LARS1: variants seen among roughly 807,000 people sequenced by gnomAD.
LARS1 encodes the protein leucine--tRNA ligase, cytoplasmic.
LARS1 carries 100 observed loss-of-function variants against 162.8 expected under a neutral mutation model. That is an observed-to-expected ratio of 0.61 (90% CI 0.52 to 0.73). The LOEUF (loss-of-function observed/expected upper bound fraction) is 0.73, where lower values mean the gene tolerates loss of function less well. LARS1 is among the 30% of genes least tolerant of loss of function. LARS1 has a pLI of 0.00. For missense variants in LARS1, 1,258 were observed against 1,408.9 expected, an observed-to-expected ratio of 0.89 and a Z score of 1.71; for synonymous variants, 457 against 462.8, an observed-to-expected ratio of 0.99 and a Z score of 0.16.
In LARS1 at chr5:146,149,607, T is replaced by C. The variant is rs565135492; in HGVS notation, c.1503+15A>G. The stretch of plus-strand genomic sequence containing the variant: ...CTCTTCTAAAACAGCCTTCAGAGCA[T>C]AGCCTATCACATACAGCGTCAATCA... On this transcript the variant is annotated intron_variant, in intron 15 of 31. Coordinates refer to ENST00000394434, the MANE Select transcript of LARS1 (RefSeq NM_020117.11). The C allele has an allele frequency of 3.5e-4, 553 of 1,591,036 alleles. 7 individuals are homozygous for C. In the South Asian group the frequency reaches 5.9e-3, roughly 17 times the overall value.
rs17104250 is a variant in LARS1, at chr5:146,120,538, G to C, written c.3193-35C>G. ...CAACAAGAAAATGATTGTTTAACTT[G>C]AATACTGCTGAGGGAGGAGGAATCT... On this transcript the variant is annotated intron_variant, in intron 30 of 31. Transcript: ENST00000394434. The C allele has an allele frequency of 0.072, 115,324 of 1,595,984 alleles. 4,867 individuals are homozygous for C. Among genetic ancestry groups the C allele is most frequent in the African/African-American group, 0.15 (10,785 of 74,224 alleles).
chr5:146,136,843 AT>A (rs1374367675), intron 21 of LARS1, among the ~76,000 whole-genome samples: 1 of 152,200 alleles, frequency 6.6e-6, no homozygotes, highest in East Asian at 1.9e-4. Flanking sequence ...GCTAAGTCTG[AT>A]GTTACATAAT....
chr5:146,135,673 G>T lies in LARS1; in HGVS notation c.2149-9C>A. The T allele has an allele frequency of 6.3e-7, 1 of 1,579,176 alleles. No homozygotes were observed. Among genetic ancestry groups the T allele is most frequent in the Non-Finnish European group, 8.6e-7 (1 of 1,163,506 alleles). ...CCTGTGGATTTTGACATCTGAAATA[G>T]AGAGTCAGTGATCAATCATTAATAA... On this transcript the variant is annotated splice_polypyrimidine_tract_variant and intron_variant, in intron 21 of 31. Coordinates refer to ENST00000394434, the MANE Select transcript of LARS1 (RefSeq NM_020117.11).
At chr5:146,156,514 T>G (rs1753535157) in intron 10 of LARS1, among the ~76,000 whole-genome samples, 1 of 151,986 alleles carries the variant, frequency 6.6e-6, no homozygotes, top group Non-Finnish European at 1.5e-5. Flanking sequence ...GCCAACATGA[T>G]GAAACCCTGT....
chr5:146,174,586 CCA>C (rs1561498485), intron 2 of LARS1, among the ~76,000 whole-genome samples: 3 of 14,784 alleles, frequency 2.0e-4, no homozygotes, highest in East Asian at 2.3e-3. Flanking sequence ...ATGTATATAT[CCA>C]TATATATATA....
At chr5:146,136,078 C>T (rs1752488185) in intron 21 of LARS1, among the ~76,000 whole-genome samples, 2 of 152,336 alleles carry the variant, frequency 1.3e-5, no homozygotes, top group African/African-American at 4.8e-5. Context: ...AGGAACCCTC[C>T]TATCATTAGG....
At chr5:146,143,616 A>C in intron 18 of LARS1, 66 bp from the exon 19 acceptor site, 2 of 1,447,746 alleles carry the variant, frequency 1.4e-6, no homozygotes, top group Non-Finnish European at 9.6e-7. Flanking sequence ...CCACATTTTT[A>C]AGAAGGGGGC....
rs561212345 is a variant in LARS1, at chr5:146,182,389, T to C, written c.6+99A>G. On this transcript the variant is annotated intron_variant, in intron 1 of 31. Coordinates refer to ENST00000394434, the MANE Select transcript of LARS1 (RefSeq NM_020117.11). ...GCACGCCTTAAGCGTGGCTCTCTTT[T>C]AGAAAAGGACTTTCCCTTCAGGACA... 312 of 1,520,726 alleles carry C rather than the reference T, an allele frequency of 2.1e-4. 6 individuals are homozygous for C. The South Asian group carries it at 3.2e-3, about 16-fold the overall frequency. 94.2% of individuals were successfully genotyped at this position (1,520,726 alleles called of 1,614,324 possible). A position where few individuals can be genotyped will look rare whatever the true frequency, so the allele number is the denominator to read the frequency against.
At chr5:146,123,304 C>T (rs889527874) in intron 29 of LARS1, among the ~76,000 whole-genome samples, 1 of 151,850 alleles carries the variant, frequency 6.6e-6, no homozygotes, top group Non-Finnish European at 1.5e-5. Context: ...TTTCCTTTTG[C>T]CTAAGTTGTC....
rs1754917452 is a variant in LARS1 at position 146,182,496 on chromosome 5, C to A, written c.-3G>T. 1.2e-6 allele frequency: 2 copies of A among 1,613,982 alleles called. No individual in the cohort carries two copies. The highest frequency in any genetic ancestry group is 1.7e-6 in the Non-Finnish European group (2 of 1,179,872). ...TTCTCGCTCAAACTCACCGCCATTG[C>A]ACCGCCCAGCCGACTGTGCAAATCC... is the stretch of plus-strand genomic sequence containing the variant. On this transcript the variant is annotated 5_prime_UTR_variant, in exon 1 of 32. Transcript: ENST00000394434.
chr5:146,148,035 G>A (rs984616744), intron 15 of LARS1, among the ~76,000 whole-genome samples: 3 of 152,076 alleles, frequency 2.0e-5, no homozygotes, highest in Non-Finnish European at 2.9e-5. Context: ...GGTTTTTAAG[G>A]GAAAATTATT....
At chr5:146,120,610 T>A (rs551366055) in intron 30 of LARS1, 107 bp from the exon 31 acceptor site, 1 of 1,149,728 alleles carries the variant, frequency 8.7e-7, no homozygotes, top group African/African-American at 1.6e-5. Flanking sequence ...AATTCTGGTA[T>A]TTTAAAATCA....
At chr5:146,169,651 C>A (rs767282974) in intron 4 of LARS1, among the ~76,000 whole-genome samples, 2 of 151,758 alleles carry the variant, frequency 1.3e-5, no homozygotes, top group Admixed American at 1.3e-4. Flanking sequence ...CGGGTTCAAG[C>A]GATTCTCCTG....
chr5:146,159,688 TAC>T (rs1398740363), intron 7 of LARS1, among the ~76,000 whole-genome samples: 1 of 152,058 alleles, frequency 6.6e-6, no homozygotes, highest in Admixed American at 6.6e-5. Flanking sequence ...CACTGAAAAA[TAC>T]ACACTGATCT....
chr5:146,117,402 G>A (rs928248666), intron 31 of LARS1, among the ~76,000 whole-genome samples: 13 of 152,172 alleles, frequency 8.5e-5, no homozygotes, highest in African/African-American at 3.1e-4. Flanking sequence ...TTGAGGCCAG[G>A]AGCTCAAGAC....
In LARS1 at chr5:146,151,930, T is replaced by C. The variant is rs759318450; in HGVS notation, c.1357A>G (p.Ser453Gly). 9.3e-6 allele frequency: 15 copies of C among 1,614,146 alleles called. No homozygotes were observed. Among genetic ancestry groups the C allele is most frequent in the Non-Finnish European group, 1.3e-5 (15 of 1,179,986 alleles). Residue 453 changes from serine to glycine, a missense_variant, in exon 14 of 32, where the codon AGC (serine) becomes GGC (glycine). Coordinates refer to ENST00000394434, the MANE Select transcript of LARS1 (RefSeq NM_020117.11). ...VTICDELKIQ[S>G]QNDREKLAEA... is the part of the protein sequence containing the mutation. ...GCAAGTTTTTCCCGGTCATTCTGGC[T>C]CTGAATTTTCAACTCATCACAAATG...
At chr5:146,156,067 T>C (rs915122210) in intron 10 of LARS1, among the ~76,000 whole-genome samples, 3 of 152,216 alleles carry the variant, frequency 2.0e-5, no homozygotes, top group Non-Finnish European at 4.4e-5. Flanking sequence ...TGTGGTACAA[T>C]GCATATAAAG....
chr5:146,141,569 C>T (rs1291208861), intron 20 of LARS1, among the ~76,000 whole-genome samples: 1 of 151,876 alleles, frequency 6.6e-6, no homozygotes, highest in Non-Finnish European at 1.5e-5. Flanking sequence ...TTTGGGAGGC[C>T]AAGACAGGAG....
intron 5 of LARS1, among the ~76,000 whole-genome samples, chr5:146,166,749 A>G (rs1204273756): frequency 6.6e-6 from 1 of 152,216 alleles, no homozygotes; most frequent in African/African-American, 2.4e-5. Context: ...GTTGTAGGCA[A>G]GATCCACTGA....
Sources: allele counts gnomAD v4.1 joint callset (sites outside exome capture counted in the v4.1 genomes callset), GRCh38; gene constraint gnomAD v4.1.1; transcripts MANE v1.5; gene names NCBI Gene and HGNC (gene_info 2026-07-23, HGNC 2026-07-21).